The following RAP1A variants were observed in gnomAD, a reference collection of about 807,000 sequenced individuals.
RAP1A encodes the protein RAP1A, member of RAS oncogene family.
A neutral mutation model predicts 26.4 loss-of-function variants in RAP1A; 6 were observed. The observed-to-expected ratio is 0.23, with a 90% confidence interval of 0.12 to 0.45. RAP1A has a LOEUF of 0.45. Among genes scored for constraint, RAP1A ranks in the 20% least tolerant of loss-of-function variants. The pLI is 0.99. For synonymous variants in RAP1A, 73 were observed against 79.4 expected, an observed-to-expected ratio of 0.92 and a Z score of 0.43; for missense variants, 121 against 217.2, an observed-to-expected ratio of 0.56 and a Z score of 2.78.
chr1:111,712,912 CTG>C lies in RAP1A; in HGVS notation c.*513_*514del, dbSNP rs1662429708. On this transcript the variant is annotated 3_prime_UTR_variant, in exon 8 of 8. Coordinates refer to ENST00000369709, the MANE Select transcript of RAP1A (RefSeq NM_002884.4). ...TATTTAAAAAATTATGGAATATCAT[CTG>C]TCATTATATTCTAATTAAAATTGTG... The C allele has an allele frequency of 6.6e-6, 1 of 152,414 alleles. No homozygotes were observed. The highest frequency in any genetic ancestry group is 2.4e-5 in the African/African-American group (1 of 41,414). 9.4% of individuals were successfully genotyped at this position (152,414 alleles called of 1,614,324 possible). A position where few individuals can be genotyped will look rare whatever the true frequency, so the allele number is the denominator to read the frequency against.
chr1:111,563,190 G>A (rs1009694348), intron 1 of RAP1A, among the ~76,000 whole-genome samples: 1 of 152,080 alleles, frequency 6.6e-6, no homozygotes, highest in Non-Finnish European at 1.5e-5. Flanking sequence ...CAGGAGGATC[G>A]ATTTAGCCCA....
chr1:111,711,724 C>T lies in RAP1A; in HGVS notation c.*30-707C>T, dbSNP rs573056063. 6.6e-5 allele frequency among the ~76,000 whole-genome samples: 10 copies of T among 152,264 alleles called. No homozygotes were observed. The South Asian group carries it at 1.5e-3, about 22-fold the overall frequency. On this transcript the variant is annotated intron_variant, in intron 7 of 7. Transcript: ENST00000369709. ...GATAGATTTAAATAGAAATTATAAA[C>T]GTTTTTAGTAAGAGTACATGAACTC...
intron 1 of RAP1A, among the ~76,000 whole-genome samples, chr1:111,586,667 C>T (rs570072912): frequency 6.6e-6 from 1 of 152,268 alleles, no homozygotes; most frequent in East Asian, 1.9e-4. Flanking sequence ...TCTTCACCTC[C>T]AGTGAGAGAG....
chr1:111,560,395 T>G (rs1657685769), intron 1 of RAP1A, among the ~76,000 whole-genome samples: 1 of 151,714 alleles, frequency 6.6e-6, no homozygotes, highest in African/African-American at 2.4e-5. Flanking sequence ...ACTAAGTTCT[T>G]AACAAATATT....
At chr1:111,643,256 G>C (rs992334297) in intron 1 of RAP1A, among the ~76,000 whole-genome samples, 4 of 152,164 alleles carry the variant, frequency 2.6e-5, no homozygotes, top group Non-Finnish European at 5.9e-5. Flanking sequence ...ACAGTCCTTA[G>C]TTCACAAGCC....
chr1:111,636,477 A>G (rs1659732172), intron 1 of RAP1A, among the ~76,000 whole-genome samples: 1 of 151,876 alleles, frequency 6.6e-6, no homozygotes, highest in Non-Finnish European at 1.5e-5. Flanking sequence ...TTGTGAAGAA[A>G]GGTAAATTTT....
intron 1 of RAP1A, chr1:111,563,854 A>G: frequency 6.2e-7 from 1 of 1,612,708 alleles, no homozygotes; most frequent in East Asian, 2.2e-5. Context: ...ACTGTGACTC[A>G]GGACTCAAGC....
At chr1:111,684,161 C>A (rs981100792) in intron 1 of RAP1A, among the ~76,000 whole-genome samples, 1 of 151,994 alleles carries the variant, frequency 6.6e-6, no homozygotes, top group African/African-American at 2.4e-5. Context: ...GGAACATATC[C>A]CAAAATAATA....
At chr1:111,663,289 A>G (rs1007139759) in intron 1 of RAP1A, among the ~76,000 whole-genome samples, 1 of 152,208 alleles carries the variant, frequency 6.6e-6, no homozygotes, top group East Asian at 1.9e-4. Flanking sequence ...CCCCCAGTGT[A>G]TATATTCTTT....
At chr1:111,569,643 G>A (rs1199716346) in intron 1 of RAP1A, among the ~76,000 whole-genome samples, 1 of 151,736 alleles carries the variant, frequency 6.6e-6, no homozygotes, top group Admixed American at 6.6e-5. Flanking sequence ...TATGTTTCTG[G>A]GGTTCACTTT....
At chr1:111,639,687 A>G (rs1659837889) in intron 1 of RAP1A, among the ~76,000 whole-genome samples, 1 of 152,130 alleles carries the variant, frequency 6.6e-6, no homozygotes, top group African/African-American at 2.4e-5. Context: ...ACTCACCGCT[A>G]GGATGAAAAC....
chr1:111,667,506 G>A (rs1478833574), intron 1 of RAP1A, among the ~76,000 whole-genome samples: 1 of 152,004 alleles, frequency 6.6e-6, no homozygotes, highest in African/African-American at 2.4e-5. Context: ...CTAACATGGC[G>A]AAACCTGTCT....
chr1:111,616,446 C>G (rs1202009525), upstream of RAP1A, among the ~76,000 whole-genome samples: 1 of 152,216 alleles, frequency 6.6e-6, no homozygotes, highest in Non-Finnish European at 1.5e-5. Context: ...CTTTTTCTCA[C>G]AGATGCTTTG....
intron 1 of RAP1A, among the ~76,000 whole-genome samples, chr1:111,584,973 T>G (rs962397014): frequency 7.2e-5 from 11 of 152,218 alleles, no homozygotes; most frequent in Non-Finnish European, 1.5e-4. Flanking sequence ...TTTCACACCC[T>G]TTACTGTATT....
intron 1 of RAP1A, among the ~76,000 whole-genome samples, chr1:111,547,151 T>G (rs1339894849): frequency 1.3e-5 from 2 of 152,210 alleles, no homozygotes; most frequent in Non-Finnish European, 2.9e-5. Flanking sequence ...GTAGTGAGAA[T>G]AGTAATTTTC....
intron 1 of RAP1A, among the ~76,000 whole-genome samples, chr1:111,643,967 A>C (rs897772381): frequency 9.2e-5 from 14 of 152,232 alleles, no homozygotes; most frequent in African/African-American, 3.4e-4. Context: ...TTTCAGTAGA[A>C]TTTCTTCTTC....
chr1:111,688,828 T>G (rs1571562967), intron 1 of RAP1A, among the ~76,000 whole-genome samples: 1 of 128,782 alleles, frequency 7.8e-6, no homozygotes, highest in African/African-American at 3.2e-5. Flanking sequence ...TTTTGTTTTT[T>G]TTTTTGTTTT....
intron 5 of RAP1A, 95 bp from the exon 6 acceptor site, chr1:111,704,248 A>G: frequency 7.6e-7 from 1 of 1,319,102 alleles, no homozygotes; most frequent in Non-Finnish European, 1.0e-6. Context: ...CAACTAATGC[A>G]TTTCAGTTGG....
At chr1:111,542,113 C>G, upstream of RAP1A, 1 of 169,800 alleles carries the variant, frequency 5.9e-6, no homozygotes, top group South Asian at 9.7e-5. Context: ...AGGGTTTTTT[C>G]AAATGTTTAT....
Sources: allele counts gnomAD v4.1 joint callset (sites outside exome capture counted in the v4.1 genomes callset), GRCh38; gene constraint gnomAD v4.1.1; transcripts MANE v1.5; gene names NCBI Gene and HGNC (gene_info 2026-07-23, HGNC 2026-07-21).